Variants in MAGI2 observed in about 807,000 individuals in gnomAD.
MAGI2 encodes the protein membrane-associated guanylate kinase, WW and PDZ domain-containing protein 2.
In MAGI2, 35 loss-of-function variants were observed where a neutral mutation model predicts 133.3. The ratio of observed to expected loss-of-function variants is 0.26; its 90% CI spans 0.20 to 0.35. The LOEUF (loss-of-function observed/expected upper bound fraction) is 0.35. MAGI2 is among the 10% of genes least tolerant of loss of function. MAGI2 has a pLI of 1.00. For missense variants in MAGI2, 1,636 were observed against 1,863.4 expected, an observed-to-expected ratio of 0.88 and a Z score of 2.25; for synonymous variants, 729 against 710.6, an observed-to-expected ratio of 1.03 and a Z score of -0.41.
At chr7:79,436,538 C>T (rs1848157416) in intron 1 of MAGI2, among the ~76,000 whole-genome samples, 1 of 152,114 alleles carries the variant, frequency 6.6e-6, no homozygotes, top group South Asian at 2.1e-4. Context: ...AAAAACTGGG[C>T]AAAGGACATG....
chr7:79,232,707 G>A (rs372549154), intron 1 of MAGI2, among the ~76,000 whole-genome samples: 1 of 132,134 alleles, frequency 7.6e-6, no homozygotes. Flanking sequence ...AGTCTGGCTA[G>A]CGGTCTATCA....
chr7:78,823,247 A>G (rs1790281645), intron 2 of MAGI2, among the ~76,000 whole-genome samples: 1 of 152,162 alleles, frequency 6.6e-6, no homozygotes, highest in Admixed American at 6.5e-5. Flanking sequence ...TTTGACTGAG[A>G]TCAAAAGCTG....
rs556448251 is a variant in MAGI2 at position 78,257,328 on chromosome 7, CTAT to C, written c.1409-750_1409-748del. 3.9e-5 allele frequency among the ~76,000 whole-genome samples: 6 copies of C among 152,254 alleles called. No individual in the cohort carries two copies. In the South Asian group the frequency reaches 1.2e-3, roughly 32 times the overall value. ...ACACACAGTGCTCAATAAATGTGGACTATTATTAATATGATTGTTGTTAAAATA... is the reference window on the plus strand; with the variant it reads ...ACACACAGTGCTCAATAAATGTGGACTATTAATATGATTGTTGTTAAAATA... On this transcript the variant is annotated intron_variant, in intron 9 of 21. Coordinates refer to ENST00000354212, the MANE Select transcript of MAGI2 (RefSeq NM_012301.4).
chr7:78,521,665 A>G lies in MAGI2; in HGVS notation c.539-20T>C, dbSNP rs745543901. ...AATTGTCTGCAAACAATACCAAAAC[A>G]TTCTTGGAGTTAAATATTTCTTCTA... On this transcript the variant is annotated intron_variant, in intron 3 of 21. Coordinates refer to ENST00000354212, the MANE Select transcript of MAGI2 (RefSeq NM_012301.4). 6.3e-7 allele frequency: 1 copy of G among 1,597,342 alleles called. No homozygotes were observed. The highest frequency in any genetic ancestry group is 8.6e-7 in the Non-Finnish European group (1 of 1,165,064).
Position 78,946,689 on chromosome 7 carries a change from G to A in MAGI2, c.418+60401C>T, listed in dbSNP as rs1254576869. The A allele has an allele frequency of 2.6e-5, 4 of 152,130 alleles. No homozygotes were observed. The East Asian group carries it at 7.7e-4, about 29-fold the overall frequency. 9.4% of individuals were successfully genotyped at this position (152,130 alleles called of 1,614,324 possible). A position where few individuals can be genotyped will look rare whatever the true frequency, so the allele number is the denominator to read the frequency against. On this transcript the variant is annotated intron_variant, in intron 2 of 21. Transcript: ENST00000354212. ...GGTTATGTTTATTTCCTGAAAAATGGAACCAATAAGAGGCTTGTTTCAAAA... is the reference window on the plus strand; with the variant it reads ...GGTTATGTTTATTTCCTGAAAAATGAAACCAATAAGAGGCTTGTTTCAAAA...
intron 3 of MAGI2, among the ~76,000 whole-genome samples, chr7:78,585,774 G>A (rs566557197): frequency 6.6e-6 from 1 of 152,304 alleles, no homozygotes; most frequent in East Asian, 1.9e-4. Context: ...AATACTTTGG[G>A]AAGGGAATGG....
chr7:78,538,393 T>C (rs1011630128), intron 3 of MAGI2, among the ~76,000 whole-genome samples: 2 of 152,232 alleles, frequency 1.3e-5, no homozygotes, highest in African/African-American at 4.8e-5. Context: ...GGGAATTGCA[T>C]TGAATGTATA....
chr7:78,930,931 A>G (rs1038272107), intron 2 of MAGI2, among the ~76,000 whole-genome samples: 20 of 152,136 alleles, frequency 1.3e-4, no homozygotes, highest in African/African-American at 4.8e-4. Context: ...GCACTGAAAC[A>G]TATCATTGTA....
chr7:78,137,559 C>T (rs1318803096), intron 16 of MAGI2, among the ~76,000 whole-genome samples: 1 of 152,028 alleles, frequency 6.6e-6, no homozygotes, highest in Non-Finnish European at 1.5e-5. Flanking sequence ...TGTAATACTG[C>T]TAGAATTGAA....
rs539534743 is a variant in MAGI2, at chr7:79,394,752, T to C, written c.301+58268A>G. 7.9e-5 allele frequency among the ~76,000 whole-genome samples: 12 copies of C among 152,344 alleles called. No homozygotes were observed. The South Asian group carries it at 2.5e-3, about 32-fold the overall frequency. The stretch of plus-strand genomic sequence containing the variant: ...TTAAAATGACACTATTTGTTTTTAA[T>C]GACATTATTTGTTTTAATGTTTTTA... On this transcript the variant is annotated intron_variant, in intron 1 of 21. Coordinates refer to ENST00000354212, the MANE Select transcript of MAGI2 (RefSeq NM_012301.4).
intron 9 of MAGI2, among the ~76,000 whole-genome samples, chr7:78,333,928 G>A (rs1011442961): frequency 1.3e-5 from 2 of 152,088 alleles, no homozygotes; most frequent in African/African-American, 2.4e-5. Flanking sequence ...AGTTTGTTAG[G>A]CAGCAATAGA....
chr7:78,973,527 T>C (rs1347485749), intron 2 of MAGI2, among the ~76,000 whole-genome samples: 3 of 151,730 alleles, frequency 2.0e-5, no homozygotes, highest in East Asian at 3.9e-4. Flanking sequence ...TGATGGACTC[T>C]AGAGAATTTG....
At chr7:79,036,774 AAAT>A (rs751352542) in intron 1 of MAGI2, among the ~76,000 whole-genome samples, 3 of 152,238 alleles carry the variant, frequency 2.0e-5, no homozygotes, top group Non-Finnish European at 2.9e-5. Flanking sequence ...ACTCAAAGTG[AAAT>A]AATAAAGTAC....
intron 1 of MAGI2, among the ~76,000 whole-genome samples, chr7:79,214,718 A>C (rs954641385): frequency 1.4e-5 from 2 of 140,390 alleles, no homozygotes; most frequent in Non-Finnish European, 3.1e-5. Flanking sequence ...CATAAATATA[A>C]ATATATAAAT....
At chr7:79,141,377 C>T (rs1345071066) in intron 1 of MAGI2, among the ~76,000 whole-genome samples, 2 of 152,146 alleles carry the variant, frequency 1.3e-5, no homozygotes, top group Non-Finnish European at 2.9e-5. Context: ...TTTTCCCTTT[C>T]AAATGTCTGT....
chr7:78,206,290 C>CT lies in MAGI2; in HGVS notation c.2048-5098dup, dbSNP rs774941321. Among the ~76,000 whole-genome samples the CT allele has an allele frequency of 2.5e-4, 28 of 111,282 alleles. 2 individuals are homozygous for CT. Among genetic ancestry groups the CT allele is most frequent in the Non-Finnish European group, 3.6e-4 (19 of 52,268 alleles). The allele number at this position is 111,282 out of a possible 152,430, so 73.0% of individuals were successfully genotyped here. ...AAGACAACTTTTCTTTTTCCTTTTCCTTTCTTTTTTTTTTTTTTTGAGATG... is the reference window on the plus strand; with the variant it reads ...AAGACAACTTTTCTTTTTCCTTTTCCTTTTCTTTTTTTTTTTTTTTGAGATG... On this transcript the variant is annotated intron_variant, in intron 10 of 21. Transcript: ENST00000354212.
chr7:78,759,892 G>T (rs1180997448), intron 2 of MAGI2, among the ~76,000 whole-genome samples: 3 of 151,858 alleles, frequency 2.0e-5, no homozygotes, highest in East Asian at 3.8e-4. Context: ...ACTTTGGGAG[G>T]CCAAGTGGGC....
intron 2 of MAGI2, among the ~76,000 whole-genome samples, chr7:78,898,349 C>T (rs1163432395): frequency 6.6e-6 from 1 of 152,130 alleles, no homozygotes; most frequent in Non-Finnish European, 1.5e-5. Context: ...AAGGCACATG[C>T]ATGCATATGT....
At chr7:78,246,526 A>T (rs1325165182) in intron 10 of MAGI2, among the ~76,000 whole-genome samples, 1 of 152,040 alleles carries the variant, frequency 6.6e-6, no homozygotes, top group Non-Finnish European at 1.5e-5. Flanking sequence ...CTGGAGTCAA[A>T]CCAGCCCCTT....
Sources: allele counts gnomAD v4.1 joint callset (sites outside exome capture counted in the v4.1 genomes callset), GRCh38; gene constraint gnomAD v4.1.1; transcripts MANE v1.5; gene names NCBI Gene and HGNC (gene_info 2026-07-23, HGNC 2026-07-21).